The following MBOAT2 variants were observed in gnomAD, a reference collection of about 807,000 sequenced individuals.
MBOAT2 encodes the protein membrane-bound glycerophospholipid O-acyltransferase 2.
MBOAT2 carries 28 observed loss-of-function variants against 63.4 expected under a neutral mutation model. The ratio of observed to expected loss-of-function variants is 0.44; its 90% CI spans 0.33 to 0.61. MBOAT2 has a LOEUF of 0.61. Ranked by LOEUF, MBOAT2 falls within the 20% of genes least tolerant of loss-of-function variation. The pLI is 0.03. For synonymous variants in MBOAT2, 211 were observed against 215.6 expected (o/e 0.98, Z 0.19); for missense variants, 470 against 605.8 (o/e 0.78, Z 2.35).
chr2:8,858,420 C>A lies in MBOAT2; in HGVS notation c.*259G>T. Reference sequence around the variant, plus strand: ...TTCAGCAACAGGGCACGCGTGTGACCCTACGGACAAGTGCTGAGGTTGGGA... The same window carrying A: ...TTCAGCAACAGGGCACGCGTGTGACACTACGGACAAGTGCTGAGGTTGGGA... On this transcript the variant is annotated 3_prime_UTR_variant, in exon 13 of 13. Transcript: ENST00000305997. The A allele has an allele frequency of 2.5e-6, 1 of 393,226 alleles. No homozygotes were observed. The highest frequency in any genetic ancestry group is 4.6e-6 in the Non-Finnish European group (1 of 219,154). 24.4% of individuals were successfully genotyped at this position (393,226 alleles called of 1,614,324 possible).
intron 7 of MBOAT2, among the ~76,000 whole-genome samples, chr2:8,875,910 GAGGTAAT>G (rs1484284811): frequency 6.6e-6 from 1 of 152,234 alleles, no homozygotes; most frequent in Non-Finnish European, 1.5e-5. Flanking sequence ...TGGTAGGAAA[GAGGTAAT>G]ATACTATCTT....
At position 8,877,211 on chromosome 2, in the gene MBOAT2, C is replaced by T. The variant is rs767912767; in HGVS notation, c.509G>A (p.Arg170His). 87 of 1,607,968 alleles carry T rather than the reference C, an allele frequency of 5.4e-5. No homozygotes were observed. Among genetic ancestry groups the T allele is most frequent in the Admixed American group, 3.4e-4 (20 of 58,710 alleles). The part of the protein sequence containing the change: ...TSSQRDLAVR[R>H]MPSLLEYLSY... ...CAAATACTCCAGTAAGCTTGGCATG[C>T]GCCTGCAATGAAAAGACATGCAACC... Residue 170 changes from arginine (R) to histidine (H), a missense_variant and splice_region_variant, in exon 7 of 13, where the codon CGC becomes CAC. By Grantham distance (29) the Arg-to-His change is conservative. Transcript: ENST00000305997.
At chr2:8,916,176 G>A (rs1370619248) in intron 3 of MBOAT2, among the ~76,000 whole-genome samples, 2 of 152,246 alleles carry the variant, frequency 1.3e-5, no homozygotes, top group Admixed American at 6.5e-5. Context: ...GTGTTTTGAC[G>A]CCCTCATCAA....
At chr2:8,951,739 T>C (rs1371527992) in intron 2 of MBOAT2, among the ~76,000 whole-genome samples, 2 of 152,226 alleles carry the variant, frequency 1.3e-5, no homozygotes, top group African/African-American at 4.8e-5. Flanking sequence ...TAATAGTCTC[T>C]GAGGATCTTT....
At chr2:8,885,255 T>C (rs927308685) in intron 5 of MBOAT2, among the ~76,000 whole-genome samples, 1 of 152,238 alleles carries the variant, frequency 6.6e-6, no homozygotes, top group Admixed American at 6.5e-5. Context: ...CATGGGTGGC[T>C]GCGATAGTGG....
intron 3 of MBOAT2, among the ~76,000 whole-genome samples, chr2:8,928,419 A>C (rs1667081709): frequency 6.6e-6 from 1 of 152,110 alleles, no homozygotes; most frequent in Admixed American, 6.5e-5. Flanking sequence ...TGCCATCCAG[A>C]TGACTGGGGA....
chr2:8,908,594 G>A, intron 4 of MBOAT2, 27 bp downstream of exon 4: 1 of 1,298,516 alleles, frequency 7.7e-7, no homozygotes, highest in Non-Finnish European at 1.1e-6. Flanking sequence ...GATAAAACAG[G>A]CTACTGAATC....
chr2:8,957,105 A>G (rs1365310450), intron 2 of MBOAT2, among the ~76,000 whole-genome samples: 1 of 152,214 alleles, frequency 6.6e-6, no homozygotes, highest in Non-Finnish European at 1.5e-5. Context: ...AATACTCTAC[A>G]AAAATAAGTT....
intron 3 of MBOAT2, among the ~76,000 whole-genome samples, chr2:8,916,853 T>C (rs1256232003): frequency 1.3e-5 from 2 of 152,208 alleles, no homozygotes; most frequent in African/African-American, 4.8e-5. Context: ...TTTTATAGTG[T>C]TTTATGCACT....
rs767912767 is a variant in MBOAT2 at position 8,877,211 on chromosome 2, C to A, written c.509G>T (p.Arg170Leu). The A allele has an allele frequency of 3.1e-6, 5 of 1,607,854 alleles. No individual in the cohort carries two copies. Among genetic ancestry groups the A allele is most frequent in the Admixed American group, 3.4e-5 (2 of 58,690 alleles). ...TSSQRDLAVR[R>L]MPSLLEYLSY... The stretch of plus-strand genomic sequence containing the variant: ...CAAATACTCCAGTAAGCTTGGCATG[C>A]GCCTGCAATGAAAAGACATGCAACC... The change falls in exon 7 of 13, where the codon CGC becomes CTC. Residue 170 changes from arginine to leucine, a missense_variant and splice_region_variant. Coordinates refer to ENST00000305997, the MANE Select transcript of MBOAT2 (RefSeq NM_138799.4).
At chr2:8,912,299 A>AAAAG (rs35633754) in intron 3 of MBOAT2, among the ~76,000 whole-genome samples, 8,179 of 46,718 alleles carry the variant, frequency 0.18, 1,344 homozygotes, top group East Asian at 0.2. Flanking sequence ...GAAAAGAAAG[A>AAAAG]AAAGAAAGAA....
chr2:8,998,467 C>T (rs1672460363), intron 1 of MBOAT2, among the ~76,000 whole-genome samples: 1 of 152,176 alleles, frequency 6.6e-6, no homozygotes, highest in Non-Finnish European at 1.5e-5. Flanking sequence ...ATACTGAGAA[C>T]TTCACCTGTT....
Position 8,853,393 on chromosome 2 carries a change from T to C in MBOAT2, c.*5286A>G, listed in dbSNP as rs1319671108. ...TACATAAAATTGGGAAAGAGGCATA[T>C]TTAAAAAGTCTGTCAAACTCTCAAC... is the stretch of plus-strand genomic sequence containing the variant. On this transcript the variant is annotated 3_prime_UTR_variant, in exon 13 of 13. Transcript: ENST00000305997. 3.3e-5 allele frequency: 5 copies of C among 152,186 alleles called. No individual in the cohort carries two copies. Among genetic ancestry groups the C allele is most frequent in the Admixed American group, 3.3e-4 (5 of 15,274 alleles). The allele number at this position is 152,186 out of a possible 1,614,324, so 9.4% of individuals were successfully genotyped here.
intron 1 of MBOAT2, among the ~76,000 whole-genome samples, chr2:8,995,897 C>T (rs1672267894): frequency 6.6e-6 from 1 of 152,206 alleles, no homozygotes; most frequent in South Asian, 2.1e-4. Flanking sequence ...GGCCTACATT[C>T]CATTTTAATA....
chr2:8,943,946 C>T (rs755375250), intron 2 of MBOAT2, among the ~76,000 whole-genome samples: 4 of 152,168 alleles, frequency 2.6e-5, no homozygotes, highest in Admixed American at 6.5e-5. Context: ...TCACTGCAAC[C>T]TCTGCCTCCC....
chr2:8,881,150 G>C (rs974201929), intron 6 of MBOAT2, among the ~76,000 whole-genome samples: 6 of 152,200 alleles, frequency 3.9e-5, no homozygotes, highest in African/African-American at 1.2e-4. Context: ...GCAGTGAGAA[G>C]CTGGCCTTCG....
intron 3 of MBOAT2, among the ~76,000 whole-genome samples, chr2:8,910,388 T>C (rs1466934542): frequency 1.3e-5 from 2 of 152,070 alleles, no homozygotes; most frequent in Non-Finnish European, 2.9e-5. Flanking sequence ...TGATTCCACA[T>C]GAAAAAGAGA....
intron 1 of MBOAT2, among the ~76,000 whole-genome samples, chr2:8,970,120 G>A (rs1670338364): frequency 6.6e-6 from 1 of 152,184 alleles, no homozygotes; most frequent in South Asian, 2.1e-4. Flanking sequence ...ATAGTTGGAA[G>A]TAAAGCACTC....
intron 4 of MBOAT2, among the ~76,000 whole-genome samples, chr2:8,890,247 C>CA (rs1663890916): frequency 6.6e-6 from 1 of 152,168 alleles, no homozygotes; most frequent in Non-Finnish European, 1.5e-5. Flanking sequence ...ACAAGAGGCC[C>CA]ACTGGACAAC....
Sources: gnomAD v4.1 joint callset for allele counts (sites outside exome capture counted in the v4.1 genomes callset) on GRCh38, gnomAD v4.1.1 for gene constraint, MANE v1.5 for transcripts, NCBI Gene and HGNC (gene_info 2026-07-23, HGNC 2026-07-21) for gene names.